The following SLC9A8 variants were observed in gnomAD, a reference collection of about 807,000 sequenced individuals.
SLC9A8 encodes solute carrier family 9 member A8.
Under a neutral mutation model 66.6 loss-of-function variants are expected in SLC9A8, and 48 were observed. That is an observed-to-expected ratio of 0.72 (90% CI 0.57 to 0.92). The LOEUF is 0.92. Ranked by LOEUF, SLC9A8 falls within the 40% of genes least tolerant of loss-of-function variation. The pLI, the probability that SLC9A8 is intolerant of heterozygous loss-of-function variation, is 0.00. For missense variants in SLC9A8, 599 were observed against 747.3 expected, an observed-to-expected ratio of 0.80 and a Z score of 2.31; for synonymous variants, 274 against 282.6, an observed-to-expected ratio of 0.97 and a Z score of 0.31.
rs370041947 is a variant in SLC9A8, at chr20:49,855,607, T to G, written c.713+26T>G. The G allele has an allele frequency of 1.9e-5, 30 of 1,607,604 alleles. No individual in the cohort carries two copies. The African/African-American group carries it at 3.9e-4, about 21-fold the overall frequency. On this transcript the variant is annotated intron_variant, in intron 8 of 15. Transcript: ENST00000361573. ...GTAAGTACGGGGGCAGAGAACAGAC[T>G]TTTTTCATGTGACAGAACTAAAGGT...
intron 3 of SLC9A8, among the ~76,000 whole-genome samples, chr20:49,823,941 C>G (rs2086830107): frequency 6.6e-6 from 1 of 152,204 alleles, no homozygotes; most frequent in East Asian, 1.9e-4. Flanking sequence ...AATTAACTTT[C>G]ATTGCCTGGT....
intron 8 of SLC9A8, 111 bp from the exon 9 acceptor site, chr20:49,862,818 G>T (rs996268494): frequency 4.2e-6 from 3 of 709,194 alleles, no homozygotes; most frequent in Admixed American, 4.3e-5. Flanking sequence ...ATGAATGATG[G>T]TATGAATGAA....
intron 8 of SLC9A8, 36 bp from the exon 9 acceptor site, chr20:49,862,893 C>T (rs1262518233): frequency 1.3e-6 from 2 of 1,531,256 alleles, no homozygotes; most frequent in Non-Finnish European, 1.8e-6. Flanking sequence ...GTGTATATAA[C>T]ATTTTAATTT....
intron 12 of SLC9A8, among the ~76,000 whole-genome samples, chr20:49,879,981 C>T (rs1448564383): frequency 1.3e-5 from 2 of 152,046 alleles, no homozygotes; most frequent in African/African-American, 4.8e-5. Context: ...AAACTTTAGG[C>T]TGGGTGCAGT....
chr20:49,831,193 A>G (rs1190027599), intron 3 of SLC9A8: 4 of 429,090 alleles, frequency 9.3e-6, no homozygotes, highest in Admixed American at 3.5e-5. Flanking sequence ...ACCTGTCTCC[A>G]TTTCCTTTTA....
Position 49,886,909 on chromosome 20 carries a change from G to A in SLC9A8, c.1638+11G>A, listed in dbSNP as rs538414556. ...AGGCTGACGCAGGAGGTGGGATACC[G>A]GCCAGGCCACACTTTCTGGGGGTCC... On this transcript the variant is annotated intron_variant, in intron 15 of 15. Transcript: ENST00000361573. This position sits in a 1 kb window ranked among gnomAD's most constrained non-coding sequence, Gnocchi z 4.8. The A allele has an allele frequency of 1.7e-4, 275 of 1,611,110 alleles. 4 individuals carry two copies. In the South Asian group the frequency reaches 2.4e-3, roughly 14 times the overall value.
rs71335517 is a variant in SLC9A8, at chr20:49,834,139, G to GTCTC, written c.290-5358_290-5355dup. Among the ~76,000 whole-genome samples, 252 of 65,354 alleles carry GTCTC rather than the reference G, an allele frequency of 3.9e-3. 2 individuals carry two copies. Among genetic ancestry groups the GTCTC allele is most frequent in the African/African-American group, 0.013 (167 of 13,030 alleles). 42.9% of individuals were successfully genotyped at this position (65,354 alleles called of 152,430 possible). ...TGGTGCACGCTTGTAATATTAGCTT[G>GTCTC]TCTCTCTCTCTCTCTCTCTCTCTCT... On this transcript the variant is annotated intron_variant, in intron 3 of 15. Transcript: ENST00000361573.
At chr20:49,844,209 G>A (rs2087885088) in intron 4 of SLC9A8, among the ~76,000 whole-genome samples, 1 of 152,170 alleles carries the variant, frequency 6.6e-6, no homozygotes, top group Non-Finnish European at 1.5e-5. Flanking sequence ...AGTGTGGACT[G>A]TTTTATCACA....
intron 2 of SLC9A8, among the ~76,000 whole-genome samples, chr20:49,820,566 A>C (rs2086699022): frequency 6.6e-6 from 1 of 151,186 alleles, no homozygotes; most frequent in African/African-American, 2.4e-5. Context: ...GTTTTTTTTG[A>C]GATGGAATCT....
At chr20:49,884,932 C>T (rs2089835229) in intron 14 of SLC9A8, among the ~76,000 whole-genome samples, 1 of 152,260 alleles carries the variant, frequency 6.6e-6, no homozygotes, top group Admixed American at 6.5e-5. Context: ...TCTGGACATG[C>T]ATCTCTTTCT....
At chr20:49,848,084 C>T (rs1410091504) in intron 5 of SLC9A8, among the ~76,000 whole-genome samples, 1 of 151,806 alleles carries the variant, frequency 6.6e-6, no homozygotes, top group African/African-American at 2.4e-5. Context: ...TATAACCACA[C>T]CAGCTAATTT....
Position 49,884,244 on chromosome 20 carries a change from C to CACACG in SLC9A8, c.1491+182_1491+183insGACAC, listed in dbSNP as rs1568883485. The CACACG allele has an allele frequency of 7.0e-4, 69 of 98,358 alleles. 1 individual carries two copies. The highest frequency in any genetic ancestry group is 5.3e-3 in the African/African-American group (59 of 11,228). 6.1% of individuals were successfully genotyped at this position (98,358 alleles called of 1,614,324 possible). On this transcript the variant is annotated intron_variant, in intron 14 of 15. Transcript: ENST00000361573. ...CACACACACACACACACACACACGA[C>CACACG]ACACACACACACACGACACACACAC...
chr20:49,850,479 A>G lies in SLC9A8; in HGVS notation c.535-331A>G, dbSNP rs117868903. ...AGCCCATTCCATTGGATTTTCACCT[A>G]TATTGCAGCTTTGATGGCACCAGAA... On this transcript the variant is annotated intron_variant, in intron 6 of 15. Coordinates refer to ENST00000361573, the MANE Select transcript of SLC9A8 (RefSeq NM_015266.3). Among the ~76,000 whole-genome samples, 70 of 152,282 alleles carry G rather than the reference A, an allele frequency of 4.6e-4. 1 individual carries two copies. Among genetic ancestry groups the G allele is most frequent in the Admixed American group, 1.6e-3 (25 of 15,294 alleles).
intron 1 of SLC9A8, among the ~76,000 whole-genome samples, 175 bp from the exon 2 acceptor site, chr20:49,814,832 AC>A (rs1047466283): frequency 2.6e-5 from 4 of 152,066 alleles, no homozygotes; most frequent in African/African-American, 9.7e-5. Context: ...GGCCACTGGT[AC>A]CCTTGTGCTG....
rs73271130 is a variant in SLC9A8 at position 49,853,069 on chromosome 20, G to A, written c.569+2225G>A. ...ATTTTAAACATACAGAAAAGGTGAA[G>A]CATTGTGAAGTGAATACCCATAAAC... is the stretch of plus-strand genomic sequence containing the variant. On this transcript the variant is annotated intron_variant, in intron 7 of 15. Transcript: ENST00000361573. Among the ~76,000 whole-genome samples, 1,077 of 152,256 alleles carry A rather than the reference G, an allele frequency of 7.1e-3. 21 individuals are homozygous for A. Among genetic ancestry groups the A allele is most frequent in the African/African-American group, 0.024 (998 of 41,542 alleles).
rs1028469214 is a variant in SLC9A8, at chr20:49,842,880, G to T, written c.349-2156G>T. Among the ~76,000 whole-genome samples, 3 of 152,196 alleles carry T rather than the reference G, an allele frequency of 2.0e-5. No homozygotes were observed. The South Asian group carries it at 6.2e-4, about 32-fold the overall frequency. ...AGACTCTAGAAAAGAATTCTTCATT[G>T]CATCTTCCAGCTTCTGGTGGCCCCG... On this transcript the variant is annotated intron_variant, in intron 4 of 15. Transcript: ENST00000361573.
chr20:49,857,085 A>G (rs1355433875), intron 8 of SLC9A8, among the ~76,000 whole-genome samples: 3 of 152,216 alleles, frequency 2.0e-5, no homozygotes, highest in Non-Finnish European at 2.9e-5. Context: ...ACAAACCCAA[A>G]GATTTTTGCC....
intron 8 of SLC9A8, among the ~76,000 whole-genome samples, chr20:49,858,625 G>A (rs1042702543): frequency 3.3e-5 from 5 of 151,990 alleles, no homozygotes; most frequent in Admixed American, 6.6e-5. Context: ...TGGAGTCATC[G>A]TTGGTAGCCA....
chr20:49,860,901 G>C (rs922468719), intron 8 of SLC9A8, among the ~76,000 whole-genome samples: 9 of 152,178 alleles, frequency 5.9e-5, no homozygotes, highest in African/African-American at 2.2e-4. Context: ...ATGGACACAG[G>C]CTTCATCCTC....
Sources: allele counts gnomAD v4.1 joint callset (sites outside exome capture counted in the v4.1 genomes callset), GRCh38; gene constraint gnomAD v4.1.1; non-coding constraint Gnocchi (gnomAD v3.1); transcripts MANE v1.5; gene names NCBI Gene and HGNC (gene_info 2026-07-23, HGNC 2026-07-21).